The following LIN54 variants were observed in gnomAD, a reference collection of about 807,000 sequenced individuals.
LIN54 encodes lin-54 DREAM MuvB core complex component.
In LIN54, 9 loss-of-function variants were observed where a neutral mutation model predicts 78.7. That is an observed-to-expected ratio of 0.11 (90% CI 0.07 to 0.20). The LOEUF (loss-of-function observed/expected upper bound fraction) is 0.20. Ranked by LOEUF, LIN54 falls within the 10% of genes least tolerant of loss-of-function variation. LIN54 has a pLI of 1.00. For synonymous variants in LIN54, 269 were observed against 318.4 expected, an observed-to-expected ratio of 0.84 and a Z score of 1.65; for missense variants, 573 against 889.9, an observed-to-expected ratio of 0.64 and a Z score of 4.53.
chr4:82,984,097 C>T, intron 2 of LIN54, 64 bp downstream of exon 2: 1 of 1,133,476 alleles, frequency 8.8e-7, no homozygotes, highest in Non-Finnish European at 1.3e-6. Flanking sequence ...ATAAACACAA[C>T]TATGAATCAG....
chr4:82,948,717 C>A (rs1249983236), intron 4 of LIN54, among the ~76,000 whole-genome samples: 1 of 145,592 alleles, frequency 6.9e-6, no homozygotes, highest in Non-Finnish European at 1.5e-5. Flanking sequence ...ACCCAGTAAC[C>A]AGTTTTATCT....
At chr4:83,012,172 C>A, upstream of LIN54, 1 of 363,366 alleles carries the variant, frequency 2.8e-6, no homozygotes, top group South Asian at 1.1e-4. Context: ...ACTTCATTTC[C>A]CCACTGACGG....
At chr4:83,007,768 G>A (rs946498828) in intron 1 of LIN54, among the ~76,000 whole-genome samples, 1 of 151,934 alleles carries the variant, frequency 6.6e-6, no homozygotes, top group Non-Finnish European at 1.5e-5. Context: ...CCAAGCCTGT[G>A]GTCCCAGCTA....
At chr4:83,010,408 T>TGCCCCCCC in intron 1 of LIN54, 76 bp downstream of exon 1, 1 of 171,588 alleles carries the variant, frequency 5.8e-6, no homozygotes, top group Non-Finnish European at 1.1e-5. Context: ...CGCAATTCTT[T>TGCCCCCCC]CCCCACCCAC....
chr4:83,003,837 T>TA (rs548620983), intron 1 of LIN54, among the ~76,000 whole-genome samples: 116 of 151,976 alleles, frequency 7.6e-4, no homozygotes, highest in African/African-American at 2.6e-3. Context: ...AATTTTTTTT[T>TA]AAAAAAGAAA....
At chr4:82,992,695 G>C (rs1399723695) in intron 1 of LIN54, among the ~76,000 whole-genome samples, 3 of 151,988 alleles carry the variant, frequency 2.0e-5, no homozygotes, top group Admixed American at 6.6e-5. Context: ...GCTGGGACTA[G>C]AGGCATGCAC....
chr4:82,939,975 C>A lies in LIN54; in HGVS notation c.1169-13G>T, dbSNP rs550161566. On this transcript the variant is annotated splice_polypyrimidine_tract_variant and intron_variant, in intron 5 of 12. Coordinates refer to ENST00000340417, the MANE Select transcript of LIN54 (RefSeq NM_194282.4). ...ACCACTGGCTTTGCTTTTTAAAAAACAAAAGAAGGATGAACAAGTTATTTA... is the reference window on the plus strand; with the variant it reads ...ACCACTGGCTTTGCTTTTTAAAAAAAAAAAGAAGGATGAACAAGTTATTTA... 18 of 1,572,376 alleles carry A rather than the reference C, an allele frequency of 1.1e-5. 1 individual carries two copies. The South Asian group carries it at 1.6e-4, about 14-fold the overall frequency.
chr4:83,006,245 C>T (rs1204189488), intron 1 of LIN54, among the ~76,000 whole-genome samples: 7 of 152,024 alleles, frequency 4.6e-5, no homozygotes, highest in African/African-American at 1.7e-4. Flanking sequence ...GTCAGGAGAG[C>T]AGTATCATCC....
At chr4:82,970,715 T>C (rs1238711568) in intron 3 of LIN54, among the ~76,000 whole-genome samples, 2 of 152,212 alleles carry the variant, frequency 1.3e-5, no homozygotes, top group African/African-American at 2.4e-5. Flanking sequence ...TGTTCATCAA[T>C]ACTGTTGTTA....
Position 82,937,292 on chromosome 4 carries a change from G to C in LIN54, c.1539C>G (p.Ile513Met). 1.9e-6 allele frequency: 3 copies of C among 1,590,176 alleles called. No homozygotes were observed. Among genetic ancestry groups the C allele is most frequent in the Non-Finnish European group, 2.6e-6 (3 of 1,158,726 alleles). The change falls in exon 9 of 13, where the codon ATC (isoleucine) becomes ATG (methionine). Residue 513 changes from isoleucine to methionine, a missense_variant. Physicochemically the swap from Ile to Met is conservative, Grantham distance 10. Transcript: ENST00000340417. ...TQARLPFNGIIPSESASRPRK... is the reference protein window; with the variant it reads ...TQARLPFNGIMPSESASRPRK... ...GGGGCCGACTGGCCGACTCTGATGGGATTATGCTGTACAGATAGAAAAAAA... is the reference window on the plus strand; with the variant it reads ...GGGGCCGACTGGCCGACTCTGATGGCATTATGCTGTACAGATAGAAAAAAA...
intron 3 of LIN54, among the ~76,000 whole-genome samples, chr4:82,976,190 G>C (rs556214033): frequency 2.6e-5 from 4 of 152,262 alleles, no homozygotes; most frequent in African/African-American, 9.6e-5. Flanking sequence ...TTAATGCTAA[G>C]AAAGCACTGG....
chr4:82,936,130 G>A lies in LIN54; in HGVS notation c.1708-12C>T, dbSNP rs1461598387. Reference sequence around the variant, plus strand: ...CTGTCAAGGCATGCCTAGCAAAACAGATCAAATATCAGTTAGAGTTAAATC... The same window carrying A: ...CTGTCAAGGCATGCCTAGCAAAACAAATCAAATATCAGTTAGAGTTAAATC... On this transcript the variant is annotated splice_polypyrimidine_tract_variant and intron_variant, in intron 10 of 12. Transcript: ENST00000340417. 1.2e-5 allele frequency: 19 copies of A among 1,613,628 alleles called. No homozygotes were observed. Among genetic ancestry groups the A allele is most frequent in the Non-Finnish European group, 1.5e-5 (18 of 1,179,760 alleles).
Position 82,946,315 on chromosome 4 carries a change from T to C in LIN54, c.1111A>G (p.Ser371Gly). ...TTCTGACTAACTGGCTGGGTTGAGC[T>C]ACTGGCTGATGTGGCAGTAACAAGT... is the stretch of plus-strand genomic sequence containing the variant. Reference protein sequence around the residue: ...VRLVTATSASSSTQPVSQNPS... With the variant: ...VRLVTATSASGSTQPVSQNPS... Residue 371 changes from serine (S) to glycine (G), a missense_variant, in exon 5 of 13, where the codon AGC becomes GGC. By Grantham distance (56) the Ser-to-Gly change is moderately conservative. Coordinates refer to ENST00000340417, the MANE Select transcript of LIN54 (RefSeq NM_194282.4). 6.2e-7 allele frequency: 1 copy of C among 1,614,240 alleles called. No homozygotes were observed. The highest frequency in any genetic ancestry group is 8.5e-7 in the Non-Finnish European group (1 of 1,180,016).
At chr4:82,935,234 C>T (rs1348582805) in intron 11 of LIN54, among the ~76,000 whole-genome samples, 1 of 149,604 alleles carries the variant, frequency 6.7e-6, no homozygotes, top group Non-Finnish European at 1.5e-5. Context: ...CAGACTGTAC[C>T]TTGGGATGCA....
At chr4:82,932,092 AT>A (rs70943171) in intron 11 of LIN54, among the ~76,000 whole-genome samples, 185 of 124,844 alleles carry the variant, frequency 1.5e-3, no homozygotes, top group East Asian at 3.9e-3. Flanking sequence ...GTGTATTTTA[AT>A]TTTTTTTTTT....
chr4:82,986,702 C>CAAAAAAA (rs70943178), intron 1 of LIN54, among the ~76,000 whole-genome samples: 3 of 68,720 alleles, frequency 4.4e-5, no homozygotes, highest in African/African-American at 1.2e-4. Flanking sequence ...GACCCCATCT[C>CAAAAAAA]AAAAAAAAAA....
At chr4:82,939,983 G>A in intron 5 of LIN54, 21 bp from the exon 6 acceptor site, 1 of 1,531,070 alleles carries the variant, frequency 6.5e-7, no homozygotes, top group Non-Finnish European at 8.9e-7. Flanking sequence ...AACAAAAGAA[G>A]GATGAACAAG....
chr4:82,936,079 T>C lies in LIN54; in HGVS notation c.1747A>G (p.Ile583Val). 6.2e-7 allele frequency: 1 copy of C among 1,614,106 alleles called. No individual in the cohort carries two copies. Among genetic ancestry groups the C allele is most frequent in the Non-Finnish European group, 8.5e-7 (1 of 1,179,944 alleles). Residue 583 changes from isoleucine to valine, a missense_variant, in exon 11 of 13, where the codon ATA (isoleucine) becomes GTA (valine). Around this residue, in one of 6 missense-constraint regions of LIN54, gnomAD observed 101 missense variants for 194.2 expected, o/e 0.52. Transcript: ENST00000340417. ...GATTCTCCCTCCTTTCCTTTCCCTATCTTAGGCTTAAAGGCTTCTGGATTT... is the reference window on the plus strand; with the variant it reads ...GATTCTCCCTCCTTTCCTTTCCCTACCTTAGGCTTAAAGGCTTCTGGATTT... ...DRNPEAFKPK[I>V]GKGKEGESDR...
intron 4 of LIN54, among the ~76,000 whole-genome samples, chr4:82,966,099 T>C (rs1380087081): frequency 6.6e-6 from 1 of 152,196 alleles, no homozygotes; most frequent in Non-Finnish European, 1.5e-5. Context: ...TATTTTATGG[T>C]TCAGTCCTGC....
Sources: gnomAD v4.1 joint callset for allele counts (sites outside exome capture counted in the v4.1 genomes callset) on GRCh38, gnomAD v4.1.1 for gene constraint, gnomAD v4.1.1 regional missense constraint, MANE v1.5 for transcripts, NCBI Gene and HGNC (gene_info 2026-07-23, HGNC 2026-07-21) for gene names.